PCDHGA4: variants seen among roughly 807,000 people sequenced by gnomAD.
The protein encoded by PCDHGA4 is protocadherin gamma subfamily A, 4, also known as protocadherin gamma-A4.
PCDHGA4 carries 38 observed loss-of-function variants against 54.6 expected under a neutral mutation model. The ratio of observed to expected loss-of-function variants is 0.70; its 90% confidence interval spans 0.54 to 0.91. The LOEUF is 0.91. Among genes scored for constraint, PCDHGA4 ranks in the 40% least tolerant of loss-of-function variants. The probability of loss-of-function intolerance (pLI) is 0.00; values close to 1 mark genes in which losing one functional copy is unlikely to be tolerated. For synonymous variants in PCDHGA4, 511 were observed against 512.9 expected (o/e 1.00, Z 0.05); for missense variants, 1,298 against 1,220.9 (o/e 1.06, Z -0.94).
At chr5:141,363,362 TC>T (rs1356000329) in intron 1 of PCDHGA4, among the ~76,000 whole-genome samples, 1 of 152,268 alleles carries the variant, frequency 6.6e-6, no homozygotes, top group African/African-American at 2.4e-5. Flanking sequence ...TCCATTTTTT[TC>T]AATCAAGAGG....
Position 141,486,173 on chromosome 5 carries a change from T to C in PCDHGA4, c.2515-8634T>C. 1 of 1,614,220 alleles carries C rather than the reference T, an allele frequency of 6.2e-7. No homozygotes were observed. Among genetic ancestry groups the C allele is most frequent in the Non-Finnish European group, 8.5e-7 (1 of 1,180,042 alleles). ...GGGTTCTCCAGCCATGGAGCAACATTGCAGCCTTCGAGTGGATCTGCTGGA... is the reference window on the plus strand; with the variant it reads ...GGGTTCTCCAGCCATGGAGCAACATCGCAGCCTTCGAGTGGATCTGCTGGA... On this transcript the variant is annotated intron_variant, in intron 1 of 3. Transcript: ENST00000571252. The surrounding 1 kb of genome is among the most constrained non-coding windows in gnomAD (Gnocchi z 5.0).
chr5:141,419,217 G>A (rs1407588828), intron 1 of PCDHGA4: 1 of 1,613,936 alleles, frequency 6.2e-7, no homozygotes, highest in Admixed American at 1.7e-5. Context: ...CCGGTTTTCG[G>A]ACAGTCAGCC....
intron 1 of PCDHGA4, chr5:141,421,662 G>C: frequency 5.6e-6 from 9 of 1,613,844 alleles, no homozygotes; most frequent in Non-Finnish European, 7.6e-6. Context: ...AAGTCAGTGA[G>C]CACGCAATTC....
In PCDHGA4 at chr5:141,355,419, G is replaced by C. The variant is rs1438563668; in HGVS notation, c.312G>C (p.Gln104His). The stretch of plus-strand genomic sequence containing the variant: ...GCATCGTCTCCAGAGGTAGGACGCA[G>C]CTTTTCGCCCTGAACCCGCGCAGCG... The part of the protein sequence containing the change: ...GVRIVSRGRT[Q>H]LFALNPRSGT... Residue 104 changes from glutamine to histidine, a missense_variant, in exon 1 of 4, where the codon CAG becomes CAC. Physicochemically the swap from Gln to His is conservative, Grantham distance 24 (BLOSUM62 0). Transcript: ENST00000571252. 6.2e-7 allele frequency: 1 copy of C among 1,614,042 alleles called. No individual in the cohort carries two copies. The highest frequency in any genetic ancestry group is 8.5e-7 in the Non-Finnish European group (1 of 1,179,932).
In PCDHGA4 at chr5:141,490,701, C is replaced by T; in HGVS notation, c.2515-4106C>T. On this transcript the variant is annotated intron_variant, in intron 1 of 3. Transcript: ENST00000571252. This position sits in a 1 kb window ranked among gnomAD's most constrained non-coding sequence, Gnocchi z 5.4. Reference sequence around the variant, plus strand: ...CAGATCCAGACACTGGGGATAATGCCCGCCTCACCTACTCCATTGTAGGAA... The same window carrying T: ...CAGATCCAGACACTGGGGATAATGCTCGCCTCACCTACTCCATTGTAGGAA... The T allele has an allele frequency of 6.2e-7, 1 of 1,614,184 alleles. No individual in the cohort carries two copies. The highest frequency in any genetic ancestry group is 8.5e-7 in the Non-Finnish European group (1 of 1,180,008).
intron 1 of PCDHGA4, chr5:141,426,849 G>A (rs749455878): frequency 2.4e-5 from 11 of 456,660 alleles, no homozygotes; most frequent in South Asian, 1.7e-4. Flanking sequence ...AGGCAAGAAC[G>A]CTCCAGAATT....
At chr5:141,478,545 A>C in intron 1 of PCDHGA4, 1 of 1,605,606 alleles carries the variant, frequency 6.2e-7, no homozygotes, top group Non-Finnish European at 8.5e-7. Flanking sequence ...CCTCCCGGAC[A>C]GGTAAGGTTT....
At chr5:141,409,507 T>C (rs1220086382) in intron 1 of PCDHGA4, 3 of 1,613,982 alleles carry the variant, frequency 1.9e-6, no homozygotes, top group South Asian at 1.1e-5. Flanking sequence ...TTTCTTCCAG[T>C]AGAAGCATCA....
intron 1 of PCDHGA4, chr5:141,409,546 C>A (rs775680397): frequency 6.2e-7 from 1 of 1,613,880 alleles, no homozygotes; most frequent in African/African-American, 1.3e-5. Flanking sequence ...TCAACGACAA[C>A]GCCCCAGTTT....
chr5:141,370,576 T>C, intron 1 of PCDHGA4: 1 of 1,613,974 alleles, frequency 6.2e-7, no homozygotes, highest in Non-Finnish European at 8.5e-7. Context: ...GTGGGGGATT[T>C]ACCTACTAGG....
chr5:141,451,676 G>A (rs1363843426), intron 1 of PCDHGA4, among the ~76,000 whole-genome samples: 1 of 152,142 alleles, frequency 6.6e-6, no homozygotes, highest in African/African-American at 2.4e-5. Flanking sequence ...GAGCCCAGGA[G>A]TTCAAGACCA....
At chr5:141,455,860 ATTATTTATTTATTTATTTAT>A (rs145569377) in intron 1 of PCDHGA4, among the ~76,000 whole-genome samples, 117 of 139,848 alleles carry the variant, frequency 8.4e-4, no homozygotes, top group Non-Finnish European at 9.4e-4. Flanking sequence ...AATTTCTTTT[ATTATTTATTTATTTATTTAT>A]TTATTTATTT....
intron 1 of PCDHGA4, chr5:141,364,466 G>A (rs1391136210): frequency 6.2e-7 from 1 of 1,613,872 alleles, no homozygotes; most frequent in African/African-American, 1.3e-5. Context: ...CTCCTTCGTC[G>A]GCAACATAGC....
chr5:141,364,414 CG>C, intron 1 of PCDHGA4: 1 of 1,612,330 alleles, frequency 6.2e-7, no homozygotes, highest in Non-Finnish European at 8.5e-7. Flanking sequence ...AGCCAGGATC[CG>C]GGCAGATCCG....
chr5:141,370,935 A>T (rs961930132), intron 1 of PCDHGA4: 2 of 1,613,850 alleles, frequency 1.2e-6, no homozygotes, highest in Admixed American at 3.3e-5. Flanking sequence ...CTTCTCTTTG[A>T]TTCAGAAGGA....
intron 1 of PCDHGA4, chr5:141,364,361 G>A (rs1763280046): frequency 1.3e-6 from 2 of 1,559,560 alleles, no homozygotes; most frequent in Middle Eastern, 1.7e-4. Context: ...CTGGGGCTGC[G>A]GAGAGCTGCT....
intron 1 of PCDHGA4, chr5:141,441,502 T>G (rs2098250414): frequency 5.8e-6 from 1 of 173,754 alleles, no homozygotes; most frequent in African/African-American, 2.4e-5. Context: ...CTACCAGGCC[T>G]CCTACGTCGT....
chr5:141,389,605 A>G (rs1370742468), intron 1 of PCDHGA4: 2 of 1,613,092 alleles, frequency 1.2e-6, no homozygotes, highest in Non-Finnish European at 1.7e-6. Flanking sequence ...GCGCTCTTCG[A>G]TATGGTGCCG....
intron 1 of PCDHGA4, among the ~76,000 whole-genome samples, chr5:141,488,782 C>T (rs990081222): frequency 2.0e-5 from 3 of 152,178 alleles, no homozygotes; most frequent in Non-Finnish European, 1.5e-5. Flanking sequence ...TTTTGTATCA[C>T]TTTGTCTTCC....
Sources: gnomAD v4.1 joint callset for allele counts (sites outside exome capture counted in the v4.1 genomes callset) on GRCh38, gnomAD v4.1.1 for gene constraint, Gnocchi (gnomAD v3.1) non-coding constraint, MANE v1.5 for transcripts, NCBI Gene and HGNC (gene_info 2026-07-23, HGNC 2026-07-21) for gene names.